Variants in SSBP4 observed in about 807,000 individuals in gnomAD.
SSBP4 encodes single stranded DNA binding protein 4.
Under a neutral mutation model 64.6 loss-of-function variants are expected in SSBP4, and 33 were observed. The ratio of observed to expected loss-of-function variants is 0.51; its 90% CI spans 0.39 to 0.68. The LOEUF is 0.68. SSBP4 is among the 30% of genes least tolerant of loss of function. SSBP4 has a pLI of 0.00. For missense variants in SSBP4, 583 were observed against 566.8 expected (o/e 1.03, Z -0.29); for synonymous variants, 243 against 224.0 (o/e 1.08, Z -0.76).
chr19:18,427,998 A>C lies in SSBP4; in HGVS notation c.279+16A>C. 3.6e-6 allele frequency: 5 copies of C among 1,392,276 alleles called. No individual in the cohort carries two copies. Among genetic ancestry groups the C allele is most frequent in the Non-Finnish European group, 4.8e-6 (5 of 1,050,686 alleles). The allele number at this position is 1,392,276 out of a possible 1,614,324, so 86.2% of individuals were successfully genotyped here. On this transcript the variant is annotated intron_variant, in intron 4 of 17. Coordinates refer to ENST00000270061, the MANE Select transcript of SSBP4 (RefSeq NM_032627.5). This position sits in a 1 kb window ranked among gnomAD's most constrained non-coding sequence, Gnocchi z 4.4. ...CCAGGACTATGTGAGTCCTGGCCCC[A>C]GGGACTCAGGGGCTCCAGGGCGGGA...
Position 18,433,614 on chromosome 19 carries a change from G to A in SSBP4, c.1020+1G>A. 1 of 1,458,086 alleles carries A rather than the reference G, an allele frequency of 6.9e-7. No homozygotes were observed. Among genetic ancestry groups the A allele is most frequent in the South Asian group, 1.3e-5 (1 of 79,826 alleles). The allele number at this position is 1,458,086 out of a possible 1,614,324, so 90.3% of individuals were successfully genotyped here. On this transcript the variant is annotated splice_donor_variant, in intron 16 of 17. Coordinates refer to ENST00000270061, the MANE Select transcript of SSBP4 (RefSeq NM_032627.5). LOFTEE classifies it high-confidence loss of function. Reference sequence around the variant, plus strand: ...GGGCGACATGGACGGGTTGCCGAAGGTAAGGAGGCTGCGCTCTTGCCGGGG... The same window carrying A: ...GGGCGACATGGACGGGTTGCCGAAGATAAGGAGGCTGCGCTCTTGCCGGGG...
At position 18,433,808 on chromosome 19, in the gene SSBP4, GAGCGAA is replaced by G; in HGVS notation, c.1124_1128+1del. 7.0e-7 allele frequency: 1 copy of G among 1,435,638 alleles called. No homozygotes were observed. Among genetic ancestry groups the G allele is most frequent in the Non-Finnish European group, 9.1e-7 (1 of 1,098,434 alleles). 88.9% of individuals were successfully genotyped at this position (1,435,638 alleles called of 1,614,324 possible). ...CCGGGACCTTCCTGCACCCGTTCCC[GAGCGAA>G]AGCGTAAGCGACTGCGTCGACTCCC... On this transcript the variant is annotated inframe_deletion, in exon 17 of 18. Coordinates refer to ENST00000270061, the MANE Select transcript of SSBP4 (RefSeq NM_032627.5).
Position 18,427,460 on chromosome 19 carries a change from C to T in SSBP4, c.132+37C>T, listed in dbSNP as rs571888762. 2 of 1,600,836 alleles carry T rather than the reference C, an allele frequency of 1.2e-6. No individual in the cohort carries two copies. The highest frequency in any genetic ancestry group is 1.7e-4 in the Middle Eastern group (1 of 6,046). ...CCTCCAGGCTGGCCCTCCCTCCTCACCCACACTCCGGGGGTCCTTCATTTC... is the reference window on the plus strand; with the variant it reads ...CCTCCAGGCTGGCCCTCCCTCCTCATCCACACTCCGGGGGTCCTTCATTTC... On this transcript the variant is annotated intron_variant, in intron 2 of 17. Coordinates refer to ENST00000270061, the MANE Select transcript of SSBP4 (RefSeq NM_032627.5). The surrounding 1 kb of genome is among the most constrained non-coding windows in gnomAD (Gnocchi z 4.4).
Position 18,430,852 on chromosome 19 carries a change from C to T in SSBP4, c.291C>T (p.Ala97=), listed in dbSNP as rs762072596. The T allele has an allele frequency of 6.3e-5, 101 of 1,612,888 alleles. No homozygotes were observed. The highest frequency in any genetic ancestry group is 2.0e-4 in the Admixed American group (12 of 59,970). The change falls in exon 5 of 18, where the codon GCC becomes GCT. Residue 97 remains alanine, a synonymous_variant. Transcript: ENST00000270061. ...CCGCACCCTTACAGAGTGCTGCAGC[C>T]GCCCCCAGCCCCGTTATGGGGAGTA... ...AKAFQDYSAA[A]APSPVMGSMA... is the part of the protein sequence containing the mutation.
the SSBP4 span, among the ~76,000 whole-genome samples, chr19:18,409,683 T>C: frequency 2.0e-5 from 3 of 152,056 alleles, no homozygotes; most frequent in East Asian, 5.8e-4. Flanking sequence ...CACATCCAGC[T>C]AATTTTTTAT....
intron 4 of SSBP4, among the ~76,000 whole-genome samples, chr19:18,428,698 C>G (rs552759947): frequency 6.6e-6 from 1 of 152,158 alleles, no homozygotes; most frequent in African/African-American, 2.4e-5. Context: ...CCCCCTACCC[C>G]CTGTGCGCCA....
At chr19:18,429,448 G>A (rs1973155250) in intron 4 of SSBP4, among the ~76,000 whole-genome samples, 1 of 148,436 alleles carries the variant, frequency 6.7e-6, no homozygotes, top group African/African-American at 2.5e-5. Context: ...CCTAGAGTTG[G>A]GAAGCTGCGG....
chr19:18,411,489 C>T, the SSBP4 span, among the ~76,000 whole-genome samples: 3 of 151,420 alleles, frequency 2.0e-5, no homozygotes, highest in Non-Finnish European at 4.4e-5. Context: ...AGCGAGACTT[C>T]GTCTTAAAGA....
Position 18,425,160 on chromosome 19 carries a change from G to A in SSBP4, c.60-2191G>A, listed in dbSNP as rs550593263. Among the ~76,000 whole-genome samples the A allele has an allele frequency of 5.9e-5, 9 of 152,020 alleles. No homozygotes were observed. The South Asian group carries it at 1.9e-3, about 32-fold the overall frequency. ...GGGTTAGGCACTTATGGGGACAGTCGAGGAACAGGAGACAAGGAAGGCAGG... is the reference window on the plus strand; with the variant it reads ...GGGTTAGGCACTTATGGGGACAGTCAAGGAACAGGAGACAAGGAAGGCAGG... On this transcript the variant is annotated intron_variant, in intron 1 of 17. Coordinates refer to ENST00000270061, the MANE Select transcript of SSBP4 (RefSeq NM_032627.5).
At chr19:18,410,411 C>T in the SSBP4 span, among the ~76,000 whole-genome samples, 1 of 152,002 alleles carries the variant, frequency 6.6e-6, no homozygotes, top group Non-Finnish European at 1.5e-5. Context: ...GGATTACAGG[C>T]GTGAGTCACC....
At chr19:18,430,107 T>G (rs1973226830) in intron 4 of SSBP4, among the ~76,000 whole-genome samples, 1 of 152,112 alleles carries the variant, frequency 6.6e-6, no homozygotes, top group South Asian at 2.1e-4. Context: ...TTTTTGGGGT[T>G]TGGGGCTTGG....
chr19:18,412,353 C>T, the SSBP4 span, among the ~76,000 whole-genome samples: 60 of 147,890 alleles, frequency 4.1e-4, no homozygotes, highest in African/African-American at 1.4e-3. Flanking sequence ...CCCAGCTACT[C>T]GGGAGGCTGA....
At chr19:18,413,490 A>G in the SSBP4 span, among the ~76,000 whole-genome samples, 11 of 152,240 alleles carry the variant, frequency 7.2e-5, no homozygotes, top group African/African-American at 2.6e-4. Flanking sequence ...CTGGGATTAC[A>G]GGCGTGACCC....
At position 18,423,325 on chromosome 19, in the gene SSBP4, G is replaced by A. The variant is rs73011462; in HGVS notation, c.59+3618G>A. ...CCAGGGATGGGATTCACGATTGGAC[G>A]TGGTCATTTTGGCCCCTGGCTGGAA... On this transcript the variant is annotated intron_variant, in intron 1 of 17. Transcript: ENST00000270061. This position sits in a 1 kb window ranked among gnomAD's most constrained non-coding sequence, Gnocchi z 4.0. Among the ~76,000 whole-genome samples, 4,401 of 152,300 alleles carry A rather than the reference G, an allele frequency of 0.029. 77 individuals are homozygous for A. Among genetic ancestry groups the A allele is most frequent in the Middle Eastern group, 0.075 (22 of 294 alleles).
chr19:18,415,736 A>G (rs567741976), upstream of SSBP4, among the ~76,000 whole-genome samples: 1 of 152,302 alleles, frequency 6.6e-6, no homozygotes, highest in Admixed American at 6.5e-5. Context: ...GCTAGCGCAA[A>G]GGCTTATGGG....
At chr19:18,417,057 G>GCCTCCCTCCCTCCTTC (rs1192875732), upstream of SSBP4, among the ~76,000 whole-genome samples, 1 of 151,814 alleles carries the variant, frequency 6.6e-6, no homozygotes, top group Non-Finnish European at 1.5e-5. The surrounding 1 kb of genome is among the most constrained non-coding windows in gnomAD (Gnocchi z 5.4). Context: ...CGGCGCCTCA[G>GCCTCCCTCCCTCCTTC]CCTCCCTCCC....
Position 18,419,482 on chromosome 19 carries a change from C to G in SSBP4, c.-167C>G. 3.7e-6 allele frequency: 4 copies of G among 1,084,890 alleles called. No homozygotes were observed. Among genetic ancestry groups the G allele is most frequent in the Non-Finnish European group, 4.5e-6 (4 of 894,718 alleles). 67.2% of individuals were successfully genotyped at this position (1,084,890 alleles called of 1,614,324 possible). The stretch of plus-strand genomic sequence containing the variant: ...GCCGGAGCTGGAGCCGCCGCTGCCG[C>G]CGCCGCCGCGGCCGTCTGGAGCTCC... On this transcript the variant is annotated 5_prime_UTR_variant, in exon 1 of 18. Coordinates refer to ENST00000270061, the MANE Select transcript of SSBP4 (RefSeq NM_032627.5).
chr19:18,413,235 T>C, the SSBP4 span, among the ~76,000 whole-genome samples: 1 of 146,874 alleles, frequency 6.8e-6, no homozygotes, highest in Non-Finnish European at 1.5e-5. Context: ...AGGTTGTAGG[T>C]TCAGCAGAGG....
chr19:18,402,784 T>C, the SSBP4 span, among the ~76,000 whole-genome samples: 65,602 of 151,974 alleles, frequency 0.43, 14,762 homozygotes, highest in African/African-American at 0.55. Flanking sequence ...GGACCTCTGC[T>C]CTGGAAAGTC....
Sources: gnomAD v4.1 joint callset for allele counts (sites outside exome capture counted in the v4.1 genomes callset) on GRCh38, gnomAD v4.1.1 for gene constraint, Gnocchi (gnomAD v3.1) non-coding constraint, MANE v1.5 for transcripts, NCBI Gene and HGNC (gene_info 2026-07-23, HGNC 2026-07-21) for gene names.